The following CPE variants were observed in gnomAD, a reference collection of about 807,000 sequenced individuals.
CPE encodes the protein carbocypeptidase E.
In CPE, 17 loss-of-function variants were observed where a neutral mutation model predicts 53.5. The ratio of observed to expected loss-of-function variants is 0.32; its 90% CI spans 0.22 to 0.48. CPE has a LOEUF of 0.48. Ranked by LOEUF, CPE falls within the 20% of genes least tolerant of loss-of-function variation. The pLI is 0.99. For missense variants in CPE, 524 were observed against 614.7 expected (o/e 0.85, Z 1.56); for synonymous variants, 226 against 228.8 (o/e 0.99, Z 0.11).
chr4:165,440,864 T>C (rs1731598060), intron 1 of CPE, among the ~76,000 whole-genome samples: 2 of 151,488 alleles, frequency 1.3e-5, no homozygotes, highest in Non-Finnish European at 2.9e-5. Context: ...GCTGGTGTGC[T>C]CCTTCTTTCA....
rs1451976804 is a variant in CPE at position 165,495,665 on chromosome 4, C to G, written c.1320C>G (p.Ser440Arg). The G allele has an allele frequency of 8.7e-6, 14 of 1,608,794 alleles. No individual in the cohort carries two copies. In the Admixed American group the frequency reaches 2.4e-4, roughly 27 times the overall value. ...AITKKVAVPY[S>R]PAAGVDFELE... ...CAAAGAAAGTGGCAGTTCCTTACAG[C>G]CCTGCTGCTGGGGTAAGTAATCATA... is the stretch of plus-strand genomic sequence containing the variant. Residue 440 changes from serine (S) to arginine (R), a missense_variant, in exon 8 of 9, where the codon AGC becomes AGG. Transcript: ENST00000402744.
At chr4:165,463,413 C>T (rs558622715) in intron 1 of CPE, among the ~76,000 whole-genome samples, 13 of 152,160 alleles carry the variant, frequency 8.5e-5, no homozygotes, top group Admixed American at 1.3e-4. Context: ...AATAACCTTC[C>T]GTATGGGCTA....
chr4:165,427,626 T>C (rs1731344308), intron 1 of CPE, among the ~76,000 whole-genome samples: 2 of 152,220 alleles, frequency 1.3e-5, no homozygotes. Flanking sequence ...TATTAGATCC[T>C]CTAAAGGAGA....
intron 3 of CPE, among the ~76,000 whole-genome samples, chr4:165,472,523 A>G (rs1732226687): frequency 6.6e-6 from 1 of 152,248 alleles, no homozygotes; most frequent in African/African-American, 2.4e-5. Flanking sequence ...GCTTTGTATA[A>G]TTTTGGAACA....
chr4:165,400,909 G>A (rs1338428299), intron 1 of CPE, among the ~76,000 whole-genome samples: 1 of 152,120 alleles, frequency 6.6e-6, no homozygotes, highest in African/African-American at 2.4e-5. Flanking sequence ...AACATATTCA[G>A]TGTTCCTGGG....
Position 165,379,038 on chromosome 4 carries a change from C to T in CPE, c.-184C>T. 1 of 452,262 alleles carries T rather than the reference C, an allele frequency of 2.2e-6. No individual in the cohort carries two copies. The allele number at this position is 452,262 out of a possible 1,614,324, so 28.0% of individuals were successfully genotyped here. A position where few individuals can be genotyped will look rare whatever the true frequency, so the allele number is the denominator to read the frequency against. On this transcript the variant is annotated 5_prime_UTR_variant, in exon 1 of 9. Coordinates refer to ENST00000402744, the MANE Select transcript of CPE (RefSeq NM_001873.4). This position sits in a 1 kb window ranked among gnomAD's most constrained non-coding sequence, Gnocchi z 6.0. Reference sequence around the variant, plus strand: ...TGCAGCCCGTGGAGCCGCGGCTTTGCCCGTCTCCTCTGGGTGGCCCCAGTG... The same window carrying T: ...TGCAGCCCGTGGAGCCGCGGCTTTGTCCGTCTCCTCTGGGTGGCCCCAGTG...
chr4:165,424,760 T>C (rs1313214006), intron 1 of CPE, among the ~76,000 whole-genome samples: 1 of 152,056 alleles, frequency 6.6e-6, no homozygotes, highest in Non-Finnish European at 1.5e-5. Flanking sequence ...GGTCTCGATC[T>C]CCTGACCTCG....
At position 165,498,486 on chromosome 4, in the gene CPE, T is replaced by C. The variant is rs965025853; in HGVS notation, c.*876T>C. The stretch of plus-strand genomic sequence containing the variant: ...CACTGCATAGCCTCTATGTATGTTA[T>C]TGTGGCAGGCAAAAGGTTCTGATTT... On this transcript the variant is annotated 3_prime_UTR_variant, in exon 9 of 9. Transcript: ENST00000402744. Among the ~76,000 whole-genome samples, 2 of 152,230 alleles carry C rather than the reference T, an allele frequency of 1.3e-5. No homozygotes were observed. Among genetic ancestry groups the C allele is most frequent in the Admixed American group, 1.3e-4 (2 of 15,284 alleles).
intron 2 of CPE, among the ~76,000 whole-genome samples, chr4:165,466,494 T>C (rs1042560938): frequency 6.6e-6 from 1 of 152,052 alleles, no homozygotes; most frequent in Non-Finnish European, 1.5e-5. Context: ...CTTCCTGCAG[T>C]AATAAATTAA....
intron 1 of CPE, among the ~76,000 whole-genome samples, chr4:165,391,070 T>C (rs564447385): frequency 2.0e-5 from 3 of 152,286 alleles, no homozygotes. Flanking sequence ...ACAAACTGTA[T>C]CTTAAAAAAT....
Position 165,379,099 on chromosome 4 carries a change from G to T in CPE, c.-123G>T. The T allele has an allele frequency of 1.2e-6, 1 of 865,266 alleles. No individual in the cohort carries two copies. Among genetic ancestry groups the T allele is most frequent in the Non-Finnish European group, 1.5e-6 (1 of 665,568 alleles). 53.6% of individuals were successfully genotyped at this position (865,266 alleles called of 1,614,324 possible). A position where few individuals can be genotyped will look rare whatever the true frequency, so the allele number is the denominator to read the frequency against. ...CACTCATTCAGCCGGGGAAGGTGAGGCGAGTAGAGGCTGGTGCGGAACTTG... is the reference window on the plus strand; with the variant it reads ...CACTCATTCAGCCGGGGAAGGTGAGTCGAGTAGAGGCTGGTGCGGAACTTG... On this transcript the variant is annotated 5_prime_UTR_variant, in exon 1 of 9. Transcript: ENST00000402744. The surrounding 1 kb of genome is among the most constrained non-coding windows in gnomAD (Gnocchi z 6.0).
intron 1 of CPE, among the ~76,000 whole-genome samples, chr4:165,462,445 G>A (rs889096140): frequency 2.6e-5 from 4 of 151,954 alleles, no homozygotes; most frequent in African/African-American, 9.7e-5. Flanking sequence ...TTTTGGGGAA[G>A]GGAGCAGGAC....
intron 1 of CPE, chr4:165,405,089 A>G: frequency 1.4e-6 from 1 of 732,880 alleles, no homozygotes; most frequent in East Asian, 2.4e-5. Context: ...GTTGCTGAAG[A>G]TGGAATCCCT....
chr4:165,484,505 A>G lies in CPE; in HGVS notation c.874A>G (p.Met292Val), dbSNP rs1232016536. Residue 292 changes from methionine to valine, a missense_variant, in exon 5 of 9, where the codon ATG (methionine) becomes GTG (valine). Transcript: ENST00000402744. ...GGCATACTCTTCTTTCAACCCGGCC[A>G]TGTCTGACCCCAATCGGCCACCATG... ...ARAYSSFNPA[M>V]SDPNRPPCRK... is the part of the protein sequence containing the mutation. 4.3e-6 allele frequency: 7 copies of G among 1,614,002 alleles called. No individual in the cohort carries two copies. Among genetic ancestry groups the G allele is most frequent in the African/African-American group, 4.0e-5 (3 of 74,912 alleles).
chr4:165,442,160 G>C (rs184201072), intron 1 of CPE, among the ~76,000 whole-genome samples: 1 of 149,158 alleles, frequency 6.7e-6, no homozygotes, highest in African/African-American at 2.5e-5. Flanking sequence ...CTCCCACCTT[G>C]GCCTCCTGAG....
intron 1 of CPE, chr4:165,403,966 T>G: frequency 1.6e-6 from 1 of 610,790 alleles, no homozygotes; most frequent in Non-Finnish European, 3.0e-6. Context: ...TTTGTCTTCC[T>G]TCTCGTTACT....
chr4:165,423,914 A>G (rs1731272495), intron 1 of CPE, among the ~76,000 whole-genome samples: 1 of 149,212 alleles, frequency 6.7e-6, no homozygotes, highest in African/African-American at 2.5e-5. Context: ...TGTTCTTGCG[A>G]TAGTTTACTG....
intron 1 of CPE, among the ~76,000 whole-genome samples, chr4:165,459,187 G>C (rs1731951673): frequency 6.6e-6 from 1 of 152,122 alleles, no homozygotes; most frequent in African/African-American, 2.4e-5. Context: ...ACAAATTGGG[G>C]CAAATTAAGA....
chr4:165,449,978 T>G (rs1379946688), intron 1 of CPE, among the ~76,000 whole-genome samples: 1 of 152,154 alleles, frequency 6.6e-6, no homozygotes, highest in East Asian at 1.9e-4. Context: ...CATGAACTTA[T>G]TAGCAAAAAT....
Sources: gnomAD v4.1 joint callset for allele counts (sites outside exome capture counted in the v4.1 genomes callset) on GRCh38, gnomAD v4.1.1 for gene constraint, Gnocchi (gnomAD v3.1) non-coding constraint, MANE v1.5 for transcripts, NCBI Gene and HGNC (gene_info 2026-07-23, HGNC 2026-07-21) for gene names.